Variants in TP53BP1 observed in about 807,000 individuals in gnomAD.
TP53BP1 encodes TP53-binding protein 1.
A neutral mutation model predicts 200.8 loss-of-function variants in TP53BP1; 61 were observed. That is an observed-to-expected ratio of 0.30 (90% CI 0.25 to 0.38). TP53BP1 has a LOEUF of 0.38. Among genes scored for constraint, TP53BP1 ranks in the 10% least tolerant of loss-of-function variants. TP53BP1 has a pLI of 1.00. For missense variants in TP53BP1, 2,144 were observed against 2,371.9 expected, an observed-to-expected ratio of 0.90 and a Z score of 2.00; for synonymous variants, 822 against 844.3, an observed-to-expected ratio of 0.97 and a Z score of 0.46.
At chr15:43,474,998 G>GT (rs1292922642) in intron 9 of TP53BP1, among the ~76,000 whole-genome samples, 1 of 152,192 alleles carries the variant, frequency 6.6e-6, no homozygotes, top group African/African-American at 2.4e-5. Context: ...CAAAAAGAGA[G>GT]TAAGGGCAAA....
intron 12 of TP53BP1, among the ~76,000 whole-genome samples, chr15:43,453,777 T>C (rs2143008707): frequency 1.3e-5 from 2 of 152,006 alleles, no homozygotes; most frequent in Admixed American, 1.3e-4. Context: ...ACTCCTGATC[T>C]CAGGTGACCC....
intron 12 of TP53BP1, among the ~76,000 whole-genome samples, chr15:43,454,041 C>A (rs991368525): frequency 6.6e-6 from 1 of 151,522 alleles, no homozygotes; most frequent in African/African-American, 2.4e-5. Context: ...CCCGTCTCTA[C>A]TAAAAATACA....
intron 4 of TP53BP1, among the ~76,000 whole-genome samples, chr15:43,481,493 T>A (rs78833935): frequency 2.3e-5 from 2 of 86,320 alleles, no homozygotes; most frequent in African/African-American, 9.6e-5. Flanking sequence ...ACACACACAC[T>A]TTTTATTTTT....
At position 43,405,414 on chromosome 15, in the gene TP53BP1, T is replaced by C; in HGVS notation, c.*1969A>G. ...TTCCCATGTGGAAGGGTCTCTCCCA[T>C]CAAGGAGAACATGTGGCATCTCTGA... On this transcript the variant is annotated 3_prime_UTR_variant, in exon 28 of 28. Coordinates refer to ENST00000382044, the MANE Select transcript of TP53BP1 (RefSeq NM_001141980.3). 1 of 613,778 alleles carries C rather than the reference T, an allele frequency of 1.6e-6. No homozygotes were observed. Among genetic ancestry groups the C allele is most frequent in the South Asian group, 2.0e-5 (1 of 49,014 alleles). The allele number at this position is 613,778 out of a possible 1,614,324, so 38.0% of individuals were successfully genotyped here. A position where few individuals can be genotyped will look rare whatever the true frequency, so the allele number is the denominator to read the frequency against.
chr15:43,493,169 C>T (rs1029955686), upstream of TP53BP1: 3 of 1,533,260 alleles, frequency 2.0e-6, no homozygotes, highest in Non-Finnish European at 2.6e-6. Context: ...CCTTTCCCGT[C>T]ACGTCACACA....
chr15:43,437,697 TA>T, intron 16 of TP53BP1, among the ~76,000 whole-genome samples: 1 of 152,326 alleles, frequency 6.6e-6, no homozygotes, highest in Non-Finnish European at 1.5e-5. Flanking sequence ...TGTGTATCTA[TA>T]AAATATTTAA....
chr15:43,427,328 T>C (rs910996777), intron 18 of TP53BP1, among the ~76,000 whole-genome samples: 8 of 152,192 alleles, frequency 5.3e-5, no homozygotes, highest in Non-Finnish European at 1.2e-4. Flanking sequence ...ACAGAATGAG[T>C]AGACATGAAA....
At chr15:43,467,037 A>G (rs2046600053) in intron 11 of TP53BP1, among the ~76,000 whole-genome samples, 1 of 151,868 alleles carries the variant, frequency 6.6e-6, no homozygotes, top group Admixed American at 6.6e-5. Flanking sequence ...TCTTTAACTT[A>G]AAAGCTATGT....
intron 12 of TP53BP1, among the ~76,000 whole-genome samples, chr15:43,453,972 C>CGGGG (rs1198583600): frequency 6.6e-6 from 1 of 151,740 alleles, no homozygotes; most frequent in Non-Finnish European, 1.5e-5. Flanking sequence ...CTTTGGAGGC[C>CGGGG]GAGGAAGGCA....
chr15:43,455,504 TGA>T (rs774428578), intron 12 of TP53BP1, among the ~76,000 whole-genome samples: 1 of 152,116 alleles, frequency 6.6e-6, no homozygotes, highest in Non-Finnish European at 1.5e-5. Context: ...GTAGATCACT[TGA>T]GTCAGGAGTT....
At chr15:43,455,463 G>A (rs960709053) in intron 12 of TP53BP1, among the ~76,000 whole-genome samples, 4 of 152,174 alleles carry the variant, frequency 2.6e-5, no homozygotes, top group African/African-American at 7.2e-5. Flanking sequence ...ACTCATCCCT[G>A]TAATCCCAGC....
At chr15:43,440,333 A>G (rs1197425037) in intron 15 of TP53BP1, among the ~76,000 whole-genome samples, 1 of 151,982 alleles carries the variant, frequency 6.6e-6, no homozygotes, top group African/African-American at 2.4e-5. Flanking sequence ...AACACGGTGA[A>G]ACCCCGTCTC....
chr15:43,479,106 A>G (rs2078925266), intron 7 of TP53BP1, among the ~76,000 whole-genome samples: 1 of 152,112 alleles, frequency 6.6e-6, no homozygotes, highest in East Asian at 1.9e-4. Context: ...TAAAGATAAG[A>G]TTAGTAGTCA....
chr15:43,426,279 C>T (rs560616398), intron 18 of TP53BP1, among the ~76,000 whole-genome samples: 1 of 149,958 alleles, frequency 6.7e-6, no homozygotes, highest in Non-Finnish European at 1.5e-5. Flanking sequence ...ATCTCTACTA[C>T]AAACACAAAA....
intron 13 of TP53BP1, 91 bp downstream of exon 13, chr15:43,447,275 G>A: frequency 7.1e-7 from 1 of 1,398,902 alleles, no homozygotes; most frequent in Non-Finnish European, 9.8e-7. Context: ...TTACCAGCCA[G>A]ACCCAACTCC....
At chr15:43,420,237 CTAACA>C in intron 21 of TP53BP1, 63 bp downstream of exon 21, 1 of 1,422,632 alleles carries the variant, frequency 7.0e-7, no homozygotes, top group Admixed American at 2.0e-5. Flanking sequence ...TTGGTAACTA[CTAACA>C]TAACAGAGTA....
chr15:43,418,807 T>C (rs1324712555), intron 21 of TP53BP1, among the ~76,000 whole-genome samples: 1 of 152,210 alleles, frequency 6.6e-6, no homozygotes, highest in African/African-American at 2.4e-5. Context: ...GACACAGCAC[T>C]AAAAACTTCT....
chr15:43,428,430 T>C (rs1234468055), intron 17 of TP53BP1, among the ~76,000 whole-genome samples: 2 of 152,230 alleles, frequency 1.3e-5, no homozygotes, highest in Non-Finnish European at 2.9e-5. Flanking sequence ...ATCTAGTACT[T>C]GTATTTACGG....
At chr15:43,418,913 C>T (rs573099443) in intron 21 of TP53BP1, among the ~76,000 whole-genome samples, 2 of 152,294 alleles carry the variant, frequency 1.3e-5, no homozygotes, top group South Asian at 2.1e-4. Context: ...GGGAAAAACA[C>T]TAACTTTAGA....
Sources: allele counts gnomAD v4.1 joint callset (sites outside exome capture counted in the v4.1 genomes callset), GRCh38; gene constraint gnomAD v4.1.1; transcripts MANE v1.5; gene names NCBI Gene and HGNC (gene_info 2026-07-23, HGNC 2026-07-21).